The following CHN1 variants were observed in gnomAD, a reference collection of about 807,000 sequenced individuals.
CHN1 encodes chimerin 1.
A neutral mutation model predicts 59.5 loss-of-function variants in CHN1; 37 were observed. The ratio of observed to expected loss-of-function variants is 0.62; its 90% CI spans 0.48 to 0.82. The LOEUF (loss-of-function observed/expected upper bound fraction) is 0.82, where lower values mean the gene tolerates loss of function less well. Ranked by LOEUF, CHN1 falls within the 40% of genes least tolerant of loss-of-function variation. The pLI is 0.00. For missense variants in CHN1, 469 were observed against 571.0 expected, an observed-to-expected ratio of 0.82 and a Z score of 1.82; for synonymous variants, 206 against 200.4, an observed-to-expected ratio of 1.03 and a Z score of -0.24.
intron 12 of CHN1, 88 bp downstream of exon 12, chr2:174,801,619 T>A: frequency 1.1e-6 from 1 of 891,716 alleles, no homozygotes; most frequent in Non-Finnish European, 1.8e-6. Context: ...ATTCAATAGA[T>A]TATTTGTCCT....
intron 11 of CHN1, among the ~76,000 whole-genome samples, chr2:174,805,523 A>G (rs1320718673): frequency 6.6e-6 from 1 of 152,178 alleles, no homozygotes; most frequent in South Asian, 2.1e-4. Context: ...CGTAATTACA[A>G]CCTTCCAGCA....
intron 3 of CHN1, among the ~76,000 whole-genome samples, chr2:174,940,893 G>A (rs1053496739): frequency 6.6e-6 from 1 of 152,092 alleles, no homozygotes; most frequent in African/African-American, 2.4e-5. Context: ...GATGATCCTT[G>A]CCTGGAGTCA....
intron 6 of CHN1, among the ~76,000 whole-genome samples, chr2:174,848,955 AAAAATATAACGGCC>A (rs1686635882): frequency 6.6e-6 from 1 of 152,218 alleles, no homozygotes; most frequent in African/African-American, 2.4e-5. Context: ...CATGATGACT[AAAAATATAACGGCC>A]AACCGACTCT....
intron 7 of CHN1, among the ~76,000 whole-genome samples, chr2:174,833,251 A>G (rs1299713274): frequency 6.6e-6 from 1 of 152,126 alleles, no homozygotes; most frequent in African/African-American, 2.4e-5. Flanking sequence ...TGCACCTGTT[A>G]TTAGGTACAT....
intron 6 of CHN1, among the ~76,000 whole-genome samples, chr2:174,856,381 C>A (rs184159771): frequency 2.0e-5 from 3 of 152,252 alleles, no homozygotes; most frequent in Admixed American, 2.0e-4. Flanking sequence ...GCATCCATCT[C>A]CGTATATAAT....
At chr2:174,830,666 C>T (rs1685850738) in intron 7 of CHN1, among the ~76,000 whole-genome samples, 1 of 152,164 alleles carries the variant, frequency 6.6e-6, no homozygotes. Context: ...TGAAACATAG[C>T]TTTAAGCACT....
Position 174,996,663 on chromosome 2 carries a change from G to A in CHN1, c.19+8231C>T, listed in dbSNP as rs141505957. 3.7e-3 allele frequency among the ~76,000 whole-genome samples: 570 copies of A among 152,146 alleles called. 4 individuals are homozygous for A. Among genetic ancestry groups the A allele is most frequent in the African/African-American group, 0.013 (546 of 41,508 alleles). On this transcript the variant is annotated intron_variant, in intron 1 of 12. Coordinates refer to ENST00000409900, the MANE Select transcript of CHN1 (RefSeq NM_001822.7). Reference sequence around the variant, plus strand: ...ATGCTACGAAAGTACCATCCTCCATGACATCCCATCTCACTCAGTAAAATC... The same window carrying A: ...ATGCTACGAAAGTACCATCCTCCATAACATCCCATCTCACTCAGTAAAATC...
At chr2:174,992,689 T>C (rs1691581024) in intron 1 of CHN1, among the ~76,000 whole-genome samples, 1 of 152,198 alleles carries the variant, frequency 6.6e-6, no homozygotes, top group African/African-American at 2.4e-5. Context: ...TAGGCCCTCT[T>C]CTCAACCAGG....
rs2105368299 is a variant in CHN1 at position 174,799,713 on chromosome 2, A to T, written c.*403T>A. On this transcript the variant is annotated 3_prime_UTR_variant, in exon 13 of 13. Coordinates refer to ENST00000409900, the MANE Select transcript of CHN1 (RefSeq NM_001822.7). ...GTGTGCGTGTTTGTACAAGCATCAGAAACCAATGACATAGACCCCAAAAGC... is the reference window on the plus strand; with the variant it reads ...GTGTGCGTGTTTGTACAAGCATCAGTAACCAATGACATAGACCCCAAAAGC... 3.7e-6 allele frequency: 2 copies of T among 535,274 alleles called. No individual in the cohort carries two copies. The highest frequency in any genetic ancestry group is 3.9e-5 in the East Asian group (1 of 25,672). The allele number at this position is 535,274 out of a possible 1,614,324, so 33.2% of individuals were successfully genotyped here.
chr2:174,901,211 T>C (rs567497207), intron 5 of CHN1, among the ~76,000 whole-genome samples: 3 of 152,208 alleles, frequency 2.0e-5, no homozygotes, highest in African/African-American at 4.8e-5. Flanking sequence ...AAGAAGCAGA[T>C]GTGCAGCCTC....
intron 5 of CHN1, among the ~76,000 whole-genome samples, chr2:174,895,145 C>T (rs1688176452): frequency 6.8e-6 from 1 of 146,304 alleles, no homozygotes; most frequent in South Asian, 2.2e-4. Context: ...TAAGAGAGGA[C>T]TACTGTGTAT....
chr2:174,829,391 A>G (rs1685793923), intron 7 of CHN1, among the ~76,000 whole-genome samples: 1 of 152,202 alleles, frequency 6.6e-6, no homozygotes, highest in African/African-American at 2.4e-5. Flanking sequence ...TAAAAACTGA[A>G]GTCATTCTCA....
intron 6 of CHN1, among the ~76,000 whole-genome samples, chr2:174,876,652 A>T (rs1687573571): frequency 6.6e-6 from 1 of 152,210 alleles, no homozygotes; most frequent in South Asian, 2.1e-4. Context: ...CCAATGTAAG[A>T]TCTGCCAAAA....
chr2:174,952,349 T>C (rs878910229), intron 1 of CHN1, 147 bp from the exon 2 acceptor site: 1 of 452,018 alleles, frequency 2.2e-6, no homozygotes, highest in South Asian at 7.3e-5. Context: ...AAGGGTTTTT[T>C]TTTAGTCTTG....
At chr2:174,885,231 C>A (rs137950664) in intron 5 of CHN1, among the ~76,000 whole-genome samples, 1 of 150,734 alleles carries the variant, frequency 6.6e-6, no homozygotes, top group Admixed American at 6.6e-5. Flanking sequence ...GTCAAGATCA[C>A]GCCACTGCAC....
chr2:174,817,495 C>T (rs367969975), intron 8 of CHN1, among the ~76,000 whole-genome samples: 30 of 149,956 alleles, frequency 2.0e-4, no homozygotes, highest in South Asian at 8.4e-4. Context: ...AACAGGGTCT[C>T]GCTCTGTCAC....
intron 1 of CHN1, among the ~76,000 whole-genome samples, chr2:174,970,512 T>C (rs1256817416): frequency 6.6e-6 from 1 of 152,276 alleles, no homozygotes; most frequent in Non-Finnish European, 1.5e-5. Flanking sequence ...AGTTTGTTAA[T>C]ATTTAAAGAT....
Position 174,844,199 on chromosome 2 carries a change from G to GA in CHN1, c.627+2680dup, listed in dbSNP as rs3051663. Among the ~76,000 whole-genome samples the GA allele has an allele frequency of 3.9e-3, 537 of 136,544 alleles. 7 individuals are homozygous for GA. The highest frequency in any genetic ancestry group is 0.027 in the East Asian group (123 of 4,558). 89.6% of individuals were successfully genotyped at this position (136,544 alleles called of 152,430 possible). ...TCTCAAATCCTTATAAGTAACAATA[G>GA]AAAAAAAAAAAAAGAGACCATGTTA... On this transcript the variant is annotated intron_variant, in intron 7 of 12. Coordinates refer to ENST00000409900, the MANE Select transcript of CHN1 (RefSeq NM_001822.7).
chr2:174,896,755 ATGGT>A (rs1296408928), intron 5 of CHN1, among the ~76,000 whole-genome samples: 2 of 152,156 alleles, frequency 1.3e-5, no homozygotes, highest in African/African-American at 4.8e-5. Flanking sequence ...TTAACCTTCA[ATGGT>A]TATGGGTGTT....
Sources: gnomAD v4.1 joint callset for allele counts (sites outside exome capture counted in the v4.1 genomes callset) on GRCh38, gnomAD v4.1.1 for gene constraint, MANE v1.5 for transcripts, NCBI Gene and HGNC (gene_info 2026-07-23, HGNC 2026-07-21) for gene names.